Variants in SYCP1 observed in about 807,000 individuals in gnomAD.
The protein encoded by SYCP1 is cancer/testis antigen 8.
Under a neutral mutation model 153.1 loss-of-function variants are expected in SYCP1, and 64 were observed. The ratio of observed to expected loss-of-function variants is 0.42; its 90% CI spans 0.34 to 0.51. The LOEUF is 0.51. Among genes scored for constraint, SYCP1 ranks in the 20% least tolerant of loss-of-function variants. The pLI is 0.06. For missense variants in SYCP1, 997 were observed against 1,049.0 expected, an observed-to-expected ratio of 0.95 and a Z score of 0.68; for synonymous variants, 384 against 341.8, an observed-to-expected ratio of 1.12 and a Z score of -1.36.
At chr1:114,867,140 A>G (rs989811361) in intron 8 of SYCP1, among the ~76,000 whole-genome samples, 1 of 151,986 alleles carries the variant, frequency 6.6e-6, no homozygotes, top group East Asian at 1.9e-4. Context: ...ATCCCTCACT[A>G]TGTTGATTAC....
intron 23 of SYCP1, 117 bp downstream of exon 23, chr1:114,926,680 G>C (rs1669276545): frequency 1.2e-6 from 1 of 840,058 alleles, no homozygotes. Flanking sequence ...AGTATCAATT[G>C]AAAAGTTGAA....
chr1:114,866,621 A>G (rs1299219139), intron 8 of SYCP1, among the ~76,000 whole-genome samples: 1 of 152,120 alleles, frequency 6.6e-6, no homozygotes, highest in East Asian at 1.9e-4. Flanking sequence ...GTCCTTTATC[A>G]GATGTTTCTT....
At chr1:114,883,976 C>A (rs1295635632) in intron 12 of SYCP1, among the ~76,000 whole-genome samples, 1 of 152,202 alleles carries the variant, frequency 6.6e-6, no homozygotes, top group Non-Finnish European at 1.5e-5. Context: ...CAGGCATGAA[C>A]CACCGGGCCT....
At chr1:114,912,068 T>C (rs1489558294) in intron 18 of SYCP1, among the ~76,000 whole-genome samples, 4 of 151,978 alleles carry the variant, frequency 2.6e-5, no homozygotes, top group African/African-American at 9.7e-5. Flanking sequence ...GTAGCCAGTA[T>C]AGTGGTGGTG....
At chr1:114,903,943 G>GTA (rs1207634125) in intron 16 of SYCP1, among the ~76,000 whole-genome samples, 1 of 152,078 alleles carries the variant, frequency 6.6e-6, no homozygotes, top group Non-Finnish European at 1.5e-5. Context: ...TTTTCTTGGT[G>GTA]TATTTGTCTA....
chr1:114,923,839 ATTAT>A (rs895564384), intron 21 of SYCP1, among the ~76,000 whole-genome samples: 2 of 152,192 alleles, frequency 1.3e-5, no homozygotes, highest in South Asian at 2.1e-4. Context: ...TGGATGACAA[ATTAT>A]TTAATAAGTT....
At chr1:114,858,435 T>C (rs781190611) in intron 5 of SYCP1, 112 bp from the exon 6 acceptor site, 17 of 820,250 alleles carry the variant, frequency 2.1e-5, no homozygotes, top group East Asian at 1.1e-4. Context: ...AGTGCTTAAA[T>C]TGAGGAGATA....
intron 20 of SYCP1, among the ~76,000 whole-genome samples, chr1:114,914,464 A>G (rs1668390080): frequency 6.6e-6 from 1 of 151,954 alleles, no homozygotes; most frequent in South Asian, 2.1e-4. Context: ...CAGCACATGT[A>G]TCAAAGACTA....
At chr1:114,961,688 A>C (rs1436808036) in intron 27 of SYCP1, among the ~76,000 whole-genome samples, 2 of 152,082 alleles carry the variant, frequency 1.3e-5, no homozygotes, top group Non-Finnish European at 2.9e-5. Flanking sequence ...ATTTTATTCC[A>C]CTGTGGTCTG....
At chr1:114,859,130 C>T (rs981445852) in intron 6 of SYCP1, among the ~76,000 whole-genome samples, 3 of 152,070 alleles carry the variant, frequency 2.0e-5, no homozygotes, top group African/African-American at 7.2e-5. Flanking sequence ...CTCTGTCACC[C>T]AGGCTGGAGT....
At chr1:114,944,847 CTTT>C in intron 24 of SYCP1, 22 bp from the exon 25 acceptor site, 1 of 1,174,990 alleles carries the variant, frequency 8.5e-7, no homozygotes, top group South Asian at 1.7e-5. Context: ...TTTTAAGAAA[CTTT>C]TTTTTTTTGC....
intron 8 of SYCP1, among the ~76,000 whole-genome samples, chr1:114,862,313 G>C (rs1664432166): frequency 6.6e-6 from 1 of 151,782 alleles, no homozygotes; most frequent in African/African-American, 2.4e-5. Flanking sequence ...AAATAACTTG[G>C]GTTAGAGAGA....
chr1:114,880,659 C>T (rs1665860338), intron 12 of SYCP1, among the ~76,000 whole-genome samples: 2 of 152,208 alleles, frequency 1.3e-5, no homozygotes, highest in South Asian at 4.1e-4. Flanking sequence ...CAGGCCTCTG[C>T]CTGGGTTAAG....
chr1:114,926,317 T>A lies in SYCP1; in HGVS notation c.1840T>A (p.Tyr614Asn). Residue 614 changes from tyrosine to asparagine, a missense_variant, in exon 22 of 32, where the codon TAT becomes AAT. Tyr to Asn is a moderately radical substitution (Grantham distance 143, BLOSUM62 -2). Coordinates refer to ENST00000369522, the MANE Select transcript of SYCP1 (RefSeq NM_003176.4). Reference sequence around the variant, plus strand: ...GAAACAAGTTGAAAATAAAAACAAGTATATTGAAGAACTTCAGCAGGAGGT... The same window carrying A: ...GAAACAAGTTGAAAATAAAAACAAGAATATTGAAGAACTTCAGCAGGAGGT... ...LRKQVENKNKYIEELQQENKA... is the reference protein window; with the variant it reads ...LRKQVENKNKNIEELQQENKA... 1 of 1,534,458 alleles carries A rather than the reference T, an allele frequency of 6.5e-7. No homozygotes were observed. The highest frequency in any genetic ancestry group is 8.8e-7 in the Non-Finnish European group (1 of 1,139,730).
At chr1:114,871,987 C>G (rs1665169049) in intron 8 of SYCP1, among the ~76,000 whole-genome samples, 1 of 146,876 alleles carries the variant, frequency 6.8e-6, no homozygotes, top group Non-Finnish European at 1.5e-5. Context: ...CGTTGATGCT[C>G]TTTTTTTTCT....
intron 16 of SYCP1, among the ~76,000 whole-genome samples, chr1:114,907,174 A>G (rs999834612): frequency 1.3e-5 from 2 of 152,166 alleles, no homozygotes; most frequent in African/African-American, 4.8e-5. Flanking sequence ...TTTGCATGAT[A>G]TATCTTACAA....
chr1:114,880,118 TG>T (rs1665818447), intron 12 of SYCP1, among the ~76,000 whole-genome samples: 2 of 152,324 alleles, frequency 1.3e-5, no homozygotes, highest in Admixed American at 1.3e-4. Context: ...GTAAAATACT[TG>T]TAACATAAAA....
intron 28 of SYCP1, among the ~76,000 whole-genome samples, chr1:114,980,624 G>T (rs1335229339): frequency 6.6e-6 from 1 of 151,900 alleles, no homozygotes; most frequent in Non-Finnish European, 1.5e-5. Flanking sequence ...ACGAATGAAA[G>T]TTAGAATAGA....
At chr1:114,936,746 C>T (rs1002137731) in intron 23 of SYCP1, among the ~76,000 whole-genome samples, 4 of 152,028 alleles carry the variant, frequency 2.6e-5, no homozygotes, top group Non-Finnish European at 5.9e-5. Flanking sequence ...ACAAGCATTC[C>T]TATACACCAA....
Sources: gnomAD v4.1 joint callset for allele counts (sites outside exome capture counted in the v4.1 genomes callset) on GRCh38, gnomAD v4.1.1 for gene constraint, MANE v1.5 for transcripts, NCBI Gene and HGNC (gene_info 2026-07-23, HGNC 2026-07-21) for gene names.